CCSER1: variants seen among roughly 807,000 people sequenced by gnomAD.
CCSER1 encodes serine-rich coiled-coil domain-containing protein 1.
CCSER1 carries 41 observed loss-of-function variants against 82.0 expected under a neutral mutation model. The ratio of observed to expected loss-of-function variants is 0.50; its 90% CI spans 0.39 to 0.65. CCSER1 has a LOEUF of 0.65. Among genes scored for constraint, CCSER1 ranks in the 30% least tolerant of loss-of-function variants. CCSER1 has a pLI of 0.00. For missense variants in CCSER1, 1,119 were observed against 1,064.2 expected, an observed-to-expected ratio of 1.05 and a Z score of -0.72; for synonymous variants, 414 against 383.9, an observed-to-expected ratio of 1.08 and a Z score of -0.92.
chr4:91,477,125 G>A (rs1393695269), intron 10 of CCSER1, among the ~76,000 whole-genome samples: 1 of 151,638 alleles, frequency 6.6e-6, no homozygotes, highest in Non-Finnish European at 1.5e-5. Flanking sequence ...ACAAAGTGAA[G>A]AGACAACCCA....
chr4:90,404,957 T>G (rs1753494407), intron 4 of CCSER1, among the ~76,000 whole-genome samples: 1 of 152,076 alleles, frequency 6.6e-6, no homozygotes, highest in South Asian at 2.1e-4. Context: ...AACAATATTC[T>G]TTAACGTTCC....
At chr4:90,523,002 C>T (rs1213661238) in intron 5 of CCSER1, among the ~76,000 whole-genome samples, 1 of 152,048 alleles carries the variant, frequency 6.6e-6, no homozygotes, top group East Asian at 1.9e-4. Flanking sequence ...CATTTACCCC[C>T]CTCTTTACCC....
chr4:90,302,525 G>A (rs1733353064), intron 1 of CCSER1, among the ~76,000 whole-genome samples: 1 of 152,216 alleles, frequency 6.6e-6, no homozygotes, highest in African/African-American at 2.4e-5. Context: ...TCATGACCAA[G>A]TGCAGTGGCT....
chr4:91,445,269 A>G (rs764286698), intron 10 of CCSER1, among the ~76,000 whole-genome samples: 38 of 151,954 alleles, frequency 2.5e-4, no homozygotes, highest in Middle Eastern at 3.4e-3. Context: ...TATTTCATCT[A>G]TTTTTATTAT....
At chr4:90,863,757 GAA>G (rs968274431) in intron 8 of CCSER1, among the ~76,000 whole-genome samples, 2 of 151,658 alleles carry the variant, frequency 1.3e-5, no homozygotes, top group African/African-American at 2.4e-5. Flanking sequence ...GGAAGGAAAG[GAA>G]AAAAGATTGT....
At chr4:90,824,546 T>C (rs1273235073) in intron 8 of CCSER1, among the ~76,000 whole-genome samples, 1 of 152,112 alleles carries the variant, frequency 6.6e-6, no homozygotes, top group Non-Finnish European at 1.5e-5. Context: ...CTTTCAGAAT[T>C]CAAATTGAAT....
chr4:91,439,306 A>G (rs1435410477), intron 10 of CCSER1, among the ~76,000 whole-genome samples: 2 of 152,192 alleles, frequency 1.3e-5, no homozygotes, highest in Non-Finnish European at 2.9e-5. Context: ...TACAAGCCAG[A>G]AGAGAGTGGG....
intron 3 of CCSER1, among the ~76,000 whole-genome samples, chr4:90,391,282 AAAAAGAAAAAAAAAG>A (rs1269036891): frequency 7.2e-6 from 1 of 139,048 alleles, no homozygotes; most frequent in Non-Finnish European, 1.5e-5. Flanking sequence ...CAAAAAAAAA[AAAAAGAAAAAAAAAG>A]AAAAAGAAGT....
intron 1 of CCSER1, among the ~76,000 whole-genome samples, chr4:90,288,327 G>C (rs1222968832): frequency 1.3e-5 from 2 of 151,868 alleles, no homozygotes; most frequent in Non-Finnish European, 2.9e-5. Flanking sequence ...TTCTGCCTCT[G>C]CTGGAAGTGT....
At chr4:90,930,475 G>T (rs1430456075) in intron 9 of CCSER1, among the ~76,000 whole-genome samples, 1 of 151,878 alleles carries the variant, frequency 6.6e-6, no homozygotes, top group Non-Finnish European at 1.5e-5. Context: ...CGTAGGTGGT[G>T]CACGCCTGTA....
chr4:91,307,376 T>A (rs147005779), intron 10 of CCSER1, among the ~76,000 whole-genome samples: 265 of 151,998 alleles, frequency 1.7e-3, no homozygotes, highest in African/African-American at 5.9e-3. Context: ...TTTTCTTTAG[T>A]CCCTAGAGAA....
At chr4:91,559,081 T>A (rs1346166936) in intron 10 of CCSER1, among the ~76,000 whole-genome samples, 1 of 151,504 alleles carries the variant, frequency 6.6e-6, no homozygotes, top group African/African-American at 2.4e-5. Flanking sequence ...CTTACATATG[T>A]CTAGTTAAGT....
intron 1 of CCSER1, among the ~76,000 whole-genome samples, chr4:90,197,835 A>G (rs1358667392): frequency 6.6e-6 from 1 of 152,092 alleles, no homozygotes; most frequent in Non-Finnish European, 1.5e-5. Context: ...TTACAAAAAA[A>G]AAAATAGAAT....
At chr4:90,605,084 T>G (rs1784507436) in intron 5 of CCSER1, among the ~76,000 whole-genome samples, 1 of 152,206 alleles carries the variant, frequency 6.6e-6, no homozygotes, top group Non-Finnish European at 1.5e-5. Flanking sequence ...GAGCCGCCTT[T>G]ATGAGCTGTA....
At chr4:90,823,501 G>A (rs996091330) in intron 8 of CCSER1, among the ~76,000 whole-genome samples, 1 of 151,958 alleles carries the variant, frequency 6.6e-6, no homozygotes, top group Non-Finnish European at 1.5e-5. Flanking sequence ...TTCAAATATA[G>A]ATTTCAAAAT....
chr4:90,581,830 T>C (rs990374094), intron 5 of CCSER1, among the ~76,000 whole-genome samples: 2 of 152,096 alleles, frequency 1.3e-5, no homozygotes, highest in Admixed American at 6.6e-5. Context: ...GACAAAAAAA[T>C]AGCTTCATAT....
chr4:91,152,081 G>C (rs1488772886), intron 10 of CCSER1, among the ~76,000 whole-genome samples: 6 of 152,170 alleles, frequency 3.9e-5, no homozygotes, highest in African/African-American at 1.4e-4. Flanking sequence ...GGGTGTTAAA[G>C]TTTCCCATTA....
At position 90,308,943 on chromosome 4, in the gene CCSER1, A is replaced by ACT; in HGVS notation, c.659_660insCT (p.Glu220AspfsTer5). 1 of 1,613,804 alleles carries ACT rather than the reference A, an allele frequency of 6.2e-7. No homozygotes were observed. The highest frequency in any genetic ancestry group is 8.5e-7 in the Non-Finnish European group (1 of 1,179,812). On this transcript the variant is annotated frameshift_variant, in exon 2 of 11. Transcript: ENST00000509176. LOFTEE classifies it high-confidence loss of function. Reference sequence around the variant, plus strand: ...GAAGTTACACAGTACCAAGAGAGAGAACCTGTATTAGTAAGAGCTTCGCCA... The same window carrying ACT: ...GAAGTTACACAGTACCAAGAGAGAGACTACCTGTATTAGTAAGAGCTTCGCCA...
At chr4:90,366,236 A>G (rs1230374410) in intron 3 of CCSER1, among the ~76,000 whole-genome samples, 4 of 151,868 alleles carry the variant, frequency 2.6e-5, no homozygotes, top group African/African-American at 9.7e-5. Flanking sequence ...ATCTTAGCAA[A>G]TACTACTTTC....
Sources: allele counts gnomAD v4.1 joint callset (sites outside exome capture counted in the v4.1 genomes callset), GRCh38; gene constraint gnomAD v4.1.1; transcripts MANE v1.5; gene names NCBI Gene and HGNC (gene_info 2026-07-23, HGNC 2026-07-21).